The following PDZRN4 variants were observed in gnomAD, a reference collection of about 807,000 sequenced individuals.
PDZRN4 encodes the protein PDZ domain-containing RING finger protein 4.
A neutral mutation model predicts 99.0 loss-of-function variants in PDZRN4; 70 were observed. The ratio of observed to expected loss-of-function variants is 0.71; its 90% CI spans 0.58 to 0.86. The LOEUF is 0.86. PDZRN4 is among the 40% of genes least tolerant of loss of function. PDZRN4 has a pLI of 0.00. For missense variants in PDZRN4, 1,474 were observed against 1,331.2 expected (o/e 1.11, Z -1.67); for synonymous variants, 551 against 501.6 (o/e 1.10, Z -1.32).
chr12:41,362,312 G>C (rs1263522342), intron 3 of PDZRN4, among the ~76,000 whole-genome samples: 4 of 151,862 alleles, frequency 2.6e-5, no homozygotes, highest in African/African-American at 9.7e-5. Context: ...ACTTCTCAAT[G>C]TGGGAGAATT....
At chr12:41,436,963 A>G (rs1322403134) in intron 3 of PDZRN4, among the ~76,000 whole-genome samples, 1 of 152,222 alleles carries the variant, frequency 6.6e-6, no homozygotes, top group African/African-American at 2.4e-5. Context: ...TTTTTCTTAG[A>G]AAAGGCATTG....
chr12:41,496,441 A>G (rs1938005683), intron 3 of PDZRN4, among the ~76,000 whole-genome samples: 1 of 152,104 alleles, frequency 6.6e-6, no homozygotes, highest in African/African-American at 2.4e-5. Flanking sequence ...GAAGAAGTAG[A>G]GGCTCATAGA....
chr12:41,495,666 C>A (rs913010353), intron 3 of PDZRN4, among the ~76,000 whole-genome samples: 14 of 152,114 alleles, frequency 9.2e-5, no homozygotes, highest in African/African-American at 2.7e-4. Context: ...TGAGGCCACA[C>A]TACTTTTCAG....
chr12:41,418,825 C>T (rs542124484), intron 3 of PDZRN4, among the ~76,000 whole-genome samples: 2 of 152,222 alleles, frequency 1.3e-5, no homozygotes, highest in African/African-American at 2.4e-5. Context: ...GTTGGGTGAC[C>T]AGCGTAGGGT....
intron 3 of PDZRN4, among the ~76,000 whole-genome samples, chr12:41,226,064 G>A (rs992720236): frequency 2.6e-5 from 4 of 151,648 alleles, no homozygotes; most frequent in Admixed American, 6.6e-5. Context: ...TGAAAGGTTC[G>A]TACTGATCAT....
At chr12:41,210,741 T>C (rs1454985294) in intron 3 of PDZRN4, among the ~76,000 whole-genome samples, 2 of 152,000 alleles carry the variant, frequency 1.3e-5, no homozygotes, top group African/African-American at 4.8e-5. Context: ...GTCCAAAATA[T>C]AACCTGTGGT....
chr12:41,442,215 G>A (rs1952685569), intron 3 of PDZRN4, among the ~76,000 whole-genome samples: 1 of 151,856 alleles, frequency 6.6e-6, no homozygotes, highest in South Asian at 2.1e-4. Flanking sequence ...TCTTAAGGTA[G>A]GCCTCCCAAT....
At chr12:41,294,836 A>T (rs572608475) in intron 3 of PDZRN4, among the ~76,000 whole-genome samples, 4 of 152,302 alleles carry the variant, frequency 2.6e-5, no homozygotes, top group Admixed American at 6.5e-5. Flanking sequence ...AGAACAACTC[A>T]GGAGGCTAAA....
intron 3 of PDZRN4, among the ~76,000 whole-genome samples, chr12:41,424,908 T>C (rs1952522374): frequency 6.6e-6 from 1 of 152,106 alleles, no homozygotes; most frequent in South Asian, 2.1e-4. Context: ...CATAACTAGT[T>C]GACCACAGCT....
chr12:41,512,315 T>A (rs1297810185), intron 5 of PDZRN4, among the ~76,000 whole-genome samples: 2 of 152,034 alleles, frequency 1.3e-5, no homozygotes, highest in Non-Finnish European at 2.9e-5. Context: ...AAAGACATAT[T>A]CTTTTCAATG....
At chr12:41,338,556 C>T (rs1951791825) in intron 3 of PDZRN4, among the ~76,000 whole-genome samples, 2 of 151,674 alleles carry the variant, frequency 1.3e-5, no homozygotes, top group African/African-American at 2.4e-5. Context: ...ATCAACAAAA[C>T]TTCAACTAGA....
Position 41,188,506 on chromosome 12 carries a change from G to A in PDZRN4, c.51G>A (p.Glu17=). ...CAGAAGCCGTGGACCCGGCTCTGGA[G>A]TGCAAACTGTGCGGCCAGGTGCTTG... ...RFAEAVDPAL[E]CKLCGQVLEE... is the part of the protein sequence containing the mutation. The change falls in exon 1 of 10, where the codon GAG becomes GAA. Residue 17 remains glutamate, a synonymous_variant. Transcript: ENST00000402685. 1 of 1,589,852 alleles carries A rather than the reference G, an allele frequency of 6.3e-7. No homozygotes were observed.
intron 3 of PDZRN4, among the ~76,000 whole-genome samples, chr12:41,226,465 G>A (rs1047487381): frequency 2.6e-5 from 4 of 151,856 alleles, no homozygotes; most frequent in Admixed American, 2.0e-4. Context: ...CTGGTACCTA[G>A]AAGCTCTTGA....
At chr12:41,359,148 T>C (rs1403209158) in intron 3 of PDZRN4, among the ~76,000 whole-genome samples, 4 of 151,980 alleles carry the variant, frequency 2.6e-5, no homozygotes, top group Non-Finnish European at 2.9e-5. Context: ...GCTACTTTCT[T>C]CAAAGGCATT....
intron 3 of PDZRN4, among the ~76,000 whole-genome samples, chr12:41,223,746 T>A (rs1950973926): frequency 6.6e-6 from 1 of 152,258 alleles, no homozygotes; most frequent in Admixed American, 6.5e-5. Context: ...TGACAGCTCC[T>A]CAGCCCCATT....
At chr12:41,428,684 G>T (rs922996439) in intron 3 of PDZRN4, among the ~76,000 whole-genome samples, 11 of 152,170 alleles carry the variant, frequency 7.2e-5, no homozygotes. Flanking sequence ...GAGGAGTTGC[G>T]ACCAGGGAAT....
At chr12:41,439,368 T>C (rs1047024375) in intron 3 of PDZRN4, among the ~76,000 whole-genome samples, 20 of 152,198 alleles carry the variant, frequency 1.3e-4, no homozygotes, top group Admixed American at 6.5e-5. Flanking sequence ...TTAGTTTGGT[T>C]GTTAGAGTTT....
intron 3 of PDZRN4, among the ~76,000 whole-genome samples, chr12:41,357,755 G>A (rs1389044126): frequency 1.3e-5 from 2 of 151,962 alleles, no homozygotes; most frequent in African/African-American, 2.4e-5. Context: ...GTTAGCCTTC[G>A]CTGGCTGTTT....
At chr12:41,229,417 G>A (rs1165653945) in intron 3 of PDZRN4, among the ~76,000 whole-genome samples, 1 of 152,006 alleles carries the variant, frequency 6.6e-6, no homozygotes, top group East Asian at 1.9e-4. Flanking sequence ...TGTGATGTCT[G>A]TTAAATCTGC....
Sources: allele counts gnomAD v4.1 joint callset (sites outside exome capture counted in the v4.1 genomes callset), GRCh38; gene constraint gnomAD v4.1.1; transcripts MANE v1.5; gene names NCBI Gene and HGNC (gene_info 2026-07-23, HGNC 2026-07-21).